The following ERN1 variants were observed in gnomAD, a reference collection of about 807,000 sequenced individuals.
ERN1 encodes endoplasmic reticulum to nucleus signaling 1.
ERN1 carries 39 observed loss-of-function variants against 113.1 expected under a neutral mutation model. The observed-to-expected ratio is 0.34, with a 90% CI of 0.27 to 0.45. The LOEUF is 0.45. Among genes scored for constraint, ERN1 ranks in the 20% least tolerant of loss-of-function variants. The pLI, the probability that ERN1 is intolerant of heterozygous loss-of-function variation, is 1.00. For synonymous variants in ERN1, 507 were observed against 515.9 expected (o/e 0.98, Z 0.23); for missense variants, 976 against 1,274.8 (o/e 0.77, Z 3.57).
chr17:64,094,353 T>A (rs1432942438), intron 2 of ERN1, among the ~76,000 whole-genome samples: 1 of 152,208 alleles, frequency 6.6e-6, no homozygotes, highest in Non-Finnish European at 1.5e-5. Context: ...AGCATTTACA[T>A]GCTATATCTA....
intron 17 of ERN1, among the ~76,000 whole-genome samples, chr17:64,051,439 A>G (rs73328387): frequency 0.13 from 19,701 of 152,258 alleles, 1,698 homozygotes; most frequent in African/African-American, 0.24. Flanking sequence ...TACAGATACA[A>G]TCTGCCATCA....
Position 64,045,372 on chromosome 17 carries a change from G to T in ERN1, c.2640C>A (p.Val880=). The T allele has an allele frequency of 6.2e-7, 1 of 1,613,770 alleles. No individual in the cohort carries two copies. The highest frequency in any genetic ancestry group is 8.5e-7 in the Non-Finnish European group (1 of 1,179,840). ...VKMDWRENIT[V]PLQTDLRKFR... ...CAGCATGATCACCTGTCTGGAGGGG[G>T]ACAGTGATGTTCTCCCGCCAGTCCA... The change falls in exon 20 of 22, where the codon GTC becomes GTA. Residue 880 remains valine, a synonymous_variant. Coordinates refer to ENST00000433197, the MANE Select transcript of ERN1 (RefSeq NM_001433.5).
At position 64,063,705 on chromosome 17, in the gene ERN1, A is replaced by G. The variant is rs1913122949; in HGVS notation, c.1087+281T>C. ...GTTGCTGTGAGGAGTGAGGAAATGC[A>G]TTCTAAAGGGCTTAATGTCGGATAC... On this transcript the variant is annotated intron_variant, in intron 10 of 21. Coordinates refer to ENST00000433197, the MANE Select transcript of ERN1 (RefSeq NM_001433.5). This position sits in a 1 kb window ranked among gnomAD's most constrained non-coding sequence, Gnocchi z 5.1. 6.6e-6 allele frequency among the ~76,000 whole-genome samples: 1 copy of G among 152,216 alleles called. No homozygotes were observed. Among genetic ancestry groups the G allele is most frequent in the Admixed American group, 6.5e-5 (1 of 15,286 alleles).
intron 1 of ERN1, among the ~76,000 whole-genome samples, chr17:64,110,333 C>A: frequency 6.6e-6 from 1 of 151,990 alleles, no homozygotes; most frequent in Admixed American, 6.5e-5. Flanking sequence ...CATTACCTTA[C>A]ATACTTATCA....
rs563543880 is a variant in ERN1 at position 64,108,992 on chromosome 17, C to T, written c.55-10751G>A. 5.5e-4 allele frequency among the ~76,000 whole-genome samples: 84 copies of T among 152,088 alleles called. 1 individual carries two copies. The South Asian group carries it at 0.016, about 29-fold the overall frequency. On this transcript the variant is annotated intron_variant, in intron 1 of 21. Coordinates refer to ENST00000433197, the MANE Select transcript of ERN1 (RefSeq NM_001433.5). The stretch of plus-strand genomic sequence containing the variant: ...ACAAAAAATTAGCTGGGCGTGGTGG[C>T]GGGCACCTGTAATCCCAATTACTTG...
At chr17:64,076,608 T>C (rs1033407060) in intron 4 of ERN1, among the ~76,000 whole-genome samples, 82 of 151,294 alleles carry the variant, frequency 5.4e-4, no homozygotes, top group African/African-American at 1.9e-3. Context: ...CATCCTCTTT[T>C]TTTTTTTTTT....
intron 12 of ERN1, 40 bp from the exon 13 acceptor site, chr17:64,055,988 C>T (rs1237443735): frequency 4.7e-6 from 7 of 1,497,926 alleles, no homozygotes; most frequent in South Asian, 1.3e-5. Flanking sequence ...GGCAGCTGTT[C>T]CCACAGGGAA....
rs548230785 is a variant in ERN1 at position 64,090,367 on chromosome 17, C to T, written c.175+7754G>A. Among the ~76,000 whole-genome samples the T allele has an allele frequency of 5.9e-5, 9 of 152,288 alleles. No individual in the cohort carries two copies. The South Asian group carries it at 8.3e-4, about 14-fold the overall frequency. On this transcript the variant is annotated intron_variant, in intron 2 of 21. Coordinates refer to ENST00000433197, the MANE Select transcript of ERN1 (RefSeq NM_001433.5). ...TACTAAAAGCAGCTGAAGTCTACTG[C>T]GTTCTCATTTATCTCTACTTTGGCA...
intron 1 of ERN1, among the ~76,000 whole-genome samples, chr17:64,101,719 G>A (rs1229402875): frequency 6.6e-6 from 1 of 151,962 alleles, no homozygotes; most frequent in Non-Finnish European, 1.5e-5. Context: ...GAAACACAGG[G>A]GTCTCCCAAT....
At chr17:64,065,623 G>A (rs568718143) in intron 8 of ERN1, among the ~76,000 whole-genome samples, 108 of 152,130 alleles carry the variant, frequency 7.1e-4, no homozygotes, top group African/African-American at 2.2e-3. Flanking sequence ...TACCACCGCC[G>A]AGGCCCCTCA....
At chr17:64,086,782 G>C (rs780984470) in intron 2 of ERN1, among the ~76,000 whole-genome samples, 1 of 151,580 alleles carries the variant, frequency 6.6e-6, no homozygotes, top group Non-Finnish European at 1.5e-5. Flanking sequence ...GAGTAGCTGG[G>C]ACTACAGGCG....
Position 64,063,958 on chromosome 17 carries a change from C to T in ERN1, c.1087+28G>A, listed in dbSNP as rs373956324. ...ACCAGGAGGCAGCACGCTGTCACCT[C>T]AGGCTACTGTGGGAGACCTGCTCTT... On this transcript the variant is annotated intron_variant, in intron 10 of 21. Coordinates refer to ENST00000433197, the MANE Select transcript of ERN1 (RefSeq NM_001433.5). The surrounding 1 kb of genome is among the most constrained non-coding windows in gnomAD (Gnocchi z 5.1). The T allele has an allele frequency of 2.1e-5, 34 of 1,610,056 alleles. No individual in the cohort carries two copies. Among genetic ancestry groups the T allele is most frequent in the Non-Finnish European group, 2.7e-5 (32 of 1,177,590 alleles).
At chr17:64,058,114 T>G in intron 11 of ERN1, 121 bp from the exon 12 acceptor site, 1 of 793,466 alleles carries the variant, frequency 1.3e-6, no homozygotes, top group Non-Finnish European at 1.9e-6. Context: ...GGGGTTTTAT[T>G]TGTTTTAAGC....
intron 2 of ERN1, among the ~76,000 whole-genome samples, chr17:64,091,071 A>T (rs1347371541): frequency 6.6e-6 from 1 of 152,244 alleles, no homozygotes; most frequent in Non-Finnish European, 1.5e-5. Context: ...AAAAAGGTAG[A>T]TGATGCATAT....
chr17:64,085,686 G>A (rs1402899761), intron 2 of ERN1, among the ~76,000 whole-genome samples: 1 of 152,192 alleles, frequency 6.6e-6, no homozygotes, highest in African/African-American at 2.4e-5. Context: ...CCTGAACCCA[G>A]GATCTGCATA....
chr17:64,068,088 C>CA (rs1388371914), intron 7 of ERN1, 102 bp downstream of exon 7: 36 of 775,356 alleles, frequency 4.6e-5, no homozygotes, highest in Non-Finnish European at 6.6e-5. Flanking sequence ...AACCTGGTGA[C>CA]AAAGAGTATC....
intron 7 of ERN1, among the ~76,000 whole-genome samples, chr17:64,067,324 T>G (rs1277356033): frequency 6.6e-6 from 1 of 150,736 alleles, no homozygotes; most frequent in African/African-American, 2.4e-5. Flanking sequence ...CTGTGGTGGC[T>G]CATGTCTATA....
At chr17:64,046,069 C>T (rs1267207845) in intron 19 of ERN1, among the ~76,000 whole-genome samples, 1 of 152,202 alleles carries the variant, frequency 6.6e-6, no homozygotes. Context: ...GGTCAGGAAG[C>T]ACCCAAGTAT....
At chr17:64,127,363 G>A (rs926673467) in intron 1 of ERN1, among the ~76,000 whole-genome samples, 1 of 152,182 alleles carries the variant, frequency 6.6e-6, no homozygotes. Flanking sequence ...AGCATAAAGA[G>A]AATTTACATT....
Sources: allele counts gnomAD v4.1 joint callset (sites outside exome capture counted in the v4.1 genomes callset), GRCh38; gene constraint gnomAD v4.1.1; non-coding constraint Gnocchi (gnomAD v3.1); transcripts MANE v1.5; gene names NCBI Gene and HGNC (gene_info 2026-07-23, HGNC 2026-07-21).